The following PCCA variants were observed in gnomAD, a reference collection of about 807,000 sequenced individuals.
PCCA encodes the protein propionyl-CoA carboxylase alpha chain, mitochondrial.
PCCA carries 74 observed loss-of-function variants against 101.3 expected under a neutral mutation model. The observed-to-expected ratio is 0.73, with a 90% CI of 0.61 to 0.89. PCCA has a LOEUF of 0.89. Among genes scored for constraint, PCCA ranks in the 40% least tolerant of loss-of-function variants. The probability of loss-of-function intolerance (pLI) is 0.00; values close to 1 mark genes in which losing one functional copy is unlikely to be tolerated. For missense variants in PCCA, 891 were observed against 907.0 expected (o/e 0.98, Z 0.23); for synonymous variants, 294 against 313.6 (o/e 0.94, Z 0.66).
chr13:100,437,619 A>C lies in PCCA; in HGVS notation c.1846-11633A>C, dbSNP rs9634520. 4.3e-3 allele frequency among the ~76,000 whole-genome samples: 652 copies of C among 152,122 alleles called. 31 individuals carry two copies. The East Asian group carries it at 0.095, about 22-fold the overall frequency. On this transcript the variant is annotated intron_variant, in intron 20 of 23. Coordinates refer to ENST00000376285, the MANE Select transcript of PCCA (RefSeq NM_000282.4). ...GACGTTTATTAAATAGCCTTATCTA[A>C]TAGAAGGCTAACACAAGCCATATTT...
At chr13:100,224,514 C>T (rs150324073) in intron 7 of PCCA, among the ~76,000 whole-genome samples, 18 of 152,048 alleles carry the variant, frequency 1.2e-4, no homozygotes, top group African/African-American at 4.4e-4. Context: ...CAGGGGTGGG[C>T]TGATCAGGTC....
Position 100,368,586 on chromosome 13 carries a change from T to C in PCCA, c.1746+12T>C, listed in dbSNP as rs763405869. 2.1e-6 allele frequency: 3 copies of C among 1,458,892 alleles called. No individual in the cohort carries two copies. The highest frequency in any genetic ancestry group is 2.9e-6 in the Non-Finnish European group (3 of 1,038,856). The allele number at this position is 1,458,892 out of a possible 1,614,324, so 90.4% of individuals were successfully genotyped here. ...GGTCAGTGTTCTCGGTGAGTTTTCTTTCTTTATTTTCTTGGTAATCTTGAT... is the reference window on the plus strand; with the variant it reads ...GGTCAGTGTTCTCGGTGAGTTTTCTCTCTTTATTTTCTTGGTAATCTTGAT... On this transcript the variant is annotated intron_variant, in intron 19 of 23. Coordinates refer to ENST00000376285, the MANE Select transcript of PCCA (RefSeq NM_000282.4).
At chr13:100,362,068 AAAAG>A (rs1351778577) in intron 18 of PCCA, among the ~76,000 whole-genome samples, 2 of 152,174 alleles carry the variant, frequency 1.3e-5, no homozygotes, top group Non-Finnish European at 2.9e-5. Context: ...CAGCAAGAAA[AAAAG>A]GATGAACTAT....
rs936088423 is a variant in PCCA, at chr13:100,155,040, A to G, written c.362A>G (p.Tyr121Cys). Residue 121 changes from tyrosine (Y) to cysteine (C), a missense_variant, in exon 5 of 24, where the codon TAC becomes TGC. Transcript: ENST00000376285. Reference sequence around the variant, plus strand: ...GGCCCAGCTCCCACCAGTAAAAGCTACCTCAACATGGATGCCATCATGGAA... The same window carrying G: ...GGCCCAGCTCCCACCAGTAAAAGCTGCCTCAACATGGATGCCATCATGGAA... ...CVGPAPTSKS[Y>C]LNMDAIMEAI... is the part of the protein sequence containing the mutation. 1 of 1,614,108 alleles carries G rather than the reference A, an allele frequency of 6.2e-7. No homozygotes were observed. Among genetic ancestry groups the G allele is most frequent in the Non-Finnish European group, 8.5e-7 (1 of 1,179,976 alleles).
intron 21 of PCCA, among the ~76,000 whole-genome samples, chr13:100,486,558 T>C (rs1351717721): frequency 6.6e-6 from 1 of 152,236 alleles, no homozygotes; most frequent in Non-Finnish European, 1.5e-5. Flanking sequence ...ATATGAACTA[T>C]ATTGTAACAT....
chr13:100,476,584 T>A (rs760909047), intron 21 of PCCA, among the ~76,000 whole-genome samples: 3 of 152,226 alleles, frequency 2.0e-5, no homozygotes, highest in Non-Finnish European at 4.4e-5. Context: ...AAGTTTGTGA[T>A]CCATTTACTC....
At chr13:100,459,530 T>C (rs2082035400) in intron 21 of PCCA, among the ~76,000 whole-genome samples, 2 of 152,234 alleles carry the variant, frequency 1.3e-5, no homozygotes, top group Admixed American at 6.5e-5. Context: ...ATGATGGCTA[T>C]GCCTAATTTT....
At chr13:100,089,349 C>G in intron 1 of PCCA, 124 bp downstream of exon 1, 2 of 1,231,854 alleles carry the variant, frequency 1.6e-6, no homozygotes, top group Non-Finnish European at 2.1e-6. Context: ...GGTTCCGCAT[C>G]AGCTACACCG....
In PCCA at chr13:100,404,077, C is replaced by T. The variant is rs540310627; in HGVS notation, c.1747-21556C>T. ...CCTCAAAGGCCTATCTAAGCGTTCCCGGCAGAAGGGGCCGTTGTCAGAGTC... is the reference window on the plus strand; with the variant it reads ...CCTCAAAGGCCTATCTAAGCGTTCCTGGCAGAAGGGGCCGTTGTCAGAGTC... On this transcript the variant is annotated intron_variant, in intron 19 of 23. Coordinates refer to ENST00000376285, the MANE Select transcript of PCCA (RefSeq NM_000282.4). Among the ~76,000 whole-genome samples the T allele has an allele frequency of 1.5e-4, 23 of 152,280 alleles. 1 individual carries two copies. The highest frequency in any genetic ancestry group is 5.2e-4 in the Admixed American group (8 of 15,288).
At chr13:100,447,775 T>C (rs1016006615) in intron 20 of PCCA, among the ~76,000 whole-genome samples, 1 of 152,218 alleles carries the variant, frequency 6.6e-6, no homozygotes, top group Admixed American at 6.5e-5. Context: ...TAGATTACCA[T>C]TGTGTCAATT....
intron 12 of PCCA, among the ~76,000 whole-genome samples, chr13:100,293,704 T>G (rs1056212754): frequency 2.6e-5 from 4 of 152,170 alleles, no homozygotes; most frequent in Non-Finnish European, 1.5e-5. Context: ...CTCAGGCTGT[T>G]TAGAGTGAGC....
At chr13:100,263,777 A>G (rs1454955638) in intron 10 of PCCA, among the ~76,000 whole-genome samples, 1 of 151,758 alleles carries the variant, frequency 6.6e-6, no homozygotes, top group Non-Finnish European at 1.5e-5. Context: ...TCTGTATATC[A>G]TATATACGGT....
intron 8 of PCCA, among the ~76,000 whole-genome samples, chr13:100,246,582 C>A (rs1187553076): frequency 1.3e-5 from 2 of 152,048 alleles, no homozygotes; most frequent in African/African-American, 2.4e-5. Context: ...CCTGCTTTGG[C>A]CTCCCAAAGT....
chr13:100,257,463 G>A, intron 8 of PCCA, 132 bp from the exon 9 acceptor site: 1 of 725,762 alleles, frequency 1.4e-6, no homozygotes, highest in South Asian at 1.5e-5. Flanking sequence ...TTATTTTCCT[G>A]ACTCTAAAGA....
intron 18 of PCCA, among the ~76,000 whole-genome samples, chr13:100,359,865 T>C (rs1226384438): frequency 1.3e-5 from 2 of 152,218 alleles, no homozygotes; most frequent in Non-Finnish European, 2.9e-5. Context: ...CACTTCTCTC[T>C]ACAGTAATAC....
intron 11 of PCCA, among the ~76,000 whole-genome samples, chr13:100,271,041 G>T (rs749419691): frequency 1.3e-5 from 2 of 151,408 alleles, no homozygotes; most frequent in Non-Finnish European, 2.9e-5. Context: ...ATAAAAAAAA[G>T]AATCTACTAA....
At chr13:100,485,576 T>C (rs186124684) in intron 21 of PCCA, among the ~76,000 whole-genome samples, 1 of 152,314 alleles carries the variant, frequency 6.6e-6, no homozygotes, top group East Asian at 1.9e-4. Context: ...ACAGAATTGT[T>C]TTTGTTAATT....
At chr13:100,341,370 G>A (rs1283101006) in intron 18 of PCCA, among the ~76,000 whole-genome samples, 6 of 152,122 alleles carry the variant, frequency 3.9e-5, no homozygotes, top group South Asian at 2.1e-4. Flanking sequence ...TTGCTCCCCC[G>A]ATGTCTGTAC....
chr13:100,436,110 T>C (rs2079913574), intron 20 of PCCA, among the ~76,000 whole-genome samples: 2 of 152,106 alleles, frequency 1.3e-5, no homozygotes, highest in African/African-American at 2.4e-5. Flanking sequence ...GGAGCGAGCC[T>C]GAGCAGTGGC....
Sources: allele counts gnomAD v4.1 joint callset (sites outside exome capture counted in the v4.1 genomes callset), GRCh38; gene constraint gnomAD v4.1.1; transcripts MANE v1.5; gene names NCBI Gene and HGNC (gene_info 2026-07-23, HGNC 2026-07-21).